Variants in RPS6KC1 observed in about 807,000 individuals in gnomAD.
The protein encoded by RPS6KC1 is inactive ribosomal protein S6 kinase delta-1.
A neutral mutation model predicts 103.8 loss-of-function variants in RPS6KC1; 54 were observed. The ratio of observed to expected loss-of-function variants is 0.52; its 90% CI spans 0.42 to 0.65. The LOEUF (loss-of-function observed/expected upper bound fraction) is 0.65. Ranked by LOEUF, RPS6KC1 falls within the 30% of genes least tolerant of loss-of-function variation. The pLI, the probability that RPS6KC1 is intolerant of heterozygous loss-of-function variation, is 0.00. For missense variants in RPS6KC1, 1,151 were observed against 1,253.8 expected (o/e 0.92, Z 1.24); for synonymous variants, 439 against 438.7 (o/e 1.00, Z -0.01).
At chr1:213,760,832 G>A in the RPS6KC1 span, among the ~76,000 whole-genome samples, 2 of 150,614 alleles carry the variant, frequency 1.3e-5, no homozygotes, top group African/African-American at 4.9e-5. Context: ...AACTGTGTCA[G>A]GAAAGTGTGA....
the RPS6KC1 span, among the ~76,000 whole-genome samples, chr1:213,386,981 C>T: frequency 6.6e-6 from 1 of 152,210 alleles, no homozygotes; most frequent in Non-Finnish European, 1.5e-5. Flanking sequence ...AGAGTCAGCT[C>T]TTGCATCTTT....
At chr1:213,743,733 C>A in the RPS6KC1 span, among the ~76,000 whole-genome samples, 1 of 152,146 alleles carries the variant, frequency 6.6e-6, no homozygotes, top group African/African-American at 2.4e-5. Context: ...CCAGCCTATG[C>A]CGCTGGGAGA....
At chr1:213,762,845 C>CTAAAAG in the RPS6KC1 span, among the ~76,000 whole-genome samples, 1 of 151,440 alleles carries the variant, frequency 6.6e-6, no homozygotes, top group Non-Finnish European at 1.5e-5. Flanking sequence ...AGCCATTAAC[C>CTAAAAG]TAAAAGTAAT....
the RPS6KC1 span, among the ~76,000 whole-genome samples, chr1:213,572,889 G>A: frequency 6.6e-6 from 1 of 152,060 alleles, no homozygotes; most frequent in African/African-American, 2.4e-5. Context: ...ATATTGTGTT[G>A]CTTAGGAACT....
chr1:213,862,454 G>A, the RPS6KC1 span, among the ~76,000 whole-genome samples: 4 of 152,270 alleles, frequency 2.6e-5, no homozygotes, highest in Middle Eastern at 3.4e-3. Context: ...AAGCACCAGA[G>A]CACGTGATTT....
chr1:213,136,043 T>G lies in RPS6KC1; in HGVS notation c.835+6154T>G, dbSNP rs11800340. Among the ~76,000 whole-genome samples the G allele has an allele frequency of 4.3e-3, 661 of 152,316 alleles. 4 individuals are homozygous for G. Among genetic ancestry groups the G allele is most frequent in the African/African-American group, 0.015 (637 of 41,570 alleles). On this transcript the variant is annotated intron_variant, in intron 6 of 14. Transcript: ENST00000366960. The stretch of plus-strand genomic sequence containing the variant: ...TCTGAAAAAGAGTGTTTTATTCCAC[T>G]TAAATGATTACATATAGCTCAATTC...
At chr1:213,068,790 T>C (rs1379632254) in intron 1 of RPS6KC1, among the ~76,000 whole-genome samples, 1 of 151,552 alleles carries the variant, frequency 6.6e-6, no homozygotes, top group Non-Finnish European at 1.5e-5. Context: ...GGCGGGAGGA[T>C]TGCTTGATCC....
chr1:213,363,835 T>C, the RPS6KC1 span, among the ~76,000 whole-genome samples: 1 of 145,806 alleles, frequency 6.9e-6, no homozygotes, highest in East Asian at 2.0e-4. Flanking sequence ...TTTTTTTTTT[T>C]CTGGTGGCGT....
intron 12 of RPS6KC1, among the ~76,000 whole-genome samples, chr1:213,260,238 A>G (rs971025748): frequency 6.6e-6 from 1 of 152,162 alleles, no homozygotes; most frequent in Admixed American, 6.5e-5. Flanking sequence ...TCTTTTTACT[A>G]CCTAGTTGAG....
the RPS6KC1 span, among the ~76,000 whole-genome samples, chr1:213,545,421 A>AAATAAAT: frequency 1.3e-5 from 1 of 77,172 alleles, no homozygotes; most frequent in Non-Finnish European, 3.2e-5. Context: ...TAAATAAAAT[A>AAATAAAT]AAATAAAATA....
At chr1:213,723,047 G>A in the RPS6KC1 span, among the ~76,000 whole-genome samples, 1 of 152,110 alleles carries the variant, frequency 6.6e-6, no homozygotes, top group African/African-American at 2.4e-5. Context: ...AGGCATGGTG[G>A]CAGGTGCCTG....
intron 1 of RPS6KC1, among the ~76,000 whole-genome samples, chr1:213,052,065 C>A (rs960722926): frequency 2.6e-5 from 4 of 152,064 alleles, no homozygotes; most frequent in African/African-American, 9.7e-5. Context: ...AAAAAATCTG[C>A]TGAGGGTGGC....
the RPS6KC1 span, among the ~76,000 whole-genome samples, chr1:213,710,186 A>T: frequency 6.6e-6 from 1 of 152,204 alleles, no homozygotes. Flanking sequence ...TTGCTTTATG[A>T]ATCTGGGTGC....
chr1:213,786,766 C>T, the RPS6KC1 span, among the ~76,000 whole-genome samples: 2 of 152,194 alleles, frequency 1.3e-5, no homozygotes, highest in Non-Finnish European at 2.9e-5. Flanking sequence ...TTCATTATTT[C>T]AGTGGCCCCT....
chr1:213,705,826 C>T, the RPS6KC1 span, among the ~76,000 whole-genome samples: 1 of 152,176 alleles, frequency 6.6e-6, no homozygotes, highest in African/African-American at 2.4e-5. Context: ...GGACTGGGTT[C>T]TTCCCTTCAG....
intron 7 of RPS6KC1, among the ~76,000 whole-genome samples, chr1:213,170,009 T>A (rs2091348433): frequency 6.6e-6 from 1 of 152,186 alleles, no homozygotes. Context: ...CTTGAACTCC[T>A]GACCTCAGGT....
chr1:213,808,298 C>T, the RPS6KC1 span, among the ~76,000 whole-genome samples: 1 of 152,224 alleles, frequency 6.6e-6, no homozygotes. Flanking sequence ...AGAACCACTG[C>T]TCTCTTCAAA....
the RPS6KC1 span, among the ~76,000 whole-genome samples, chr1:213,565,134 G>T: frequency 1.1e-4 from 17 of 152,182 alleles, no homozygotes; most frequent in African/African-American, 4.1e-4. Context: ...AAAAGTGAAT[G>T]TTGGCAAAGA....
intron 8 of RPS6KC1, among the ~76,000 whole-genome samples, chr1:213,201,225 G>A (rs1012944499): frequency 6.6e-6 from 1 of 152,180 alleles, no homozygotes; most frequent in Non-Finnish European, 1.5e-5. Context: ...TTCACTAGGT[G>A]AATGGGTAAA....
Sources: allele counts gnomAD v4.1 joint callset (sites outside exome capture counted in the v4.1 genomes callset), GRCh38; gene constraint gnomAD v4.1.1; transcripts MANE v1.5; gene names NCBI Gene and HGNC (gene_info 2026-07-23, HGNC 2026-07-21).